The following C6orf118 variants were observed in gnomAD, a reference collection of about 807,000 sequenced individuals.
C6orf118 encodes uncharacterized protein C6orf118.
A neutral mutation model predicts 50.2 loss-of-function variants in C6orf118; 50 were observed. The observed-to-expected ratio is 1.00, with a 90% CI of 0.79 to 1.26. The LOEUF is 1.26. Among genes scored for constraint, C6orf118 ranks in the 50% most tolerant of loss-of-function variants. The pLI, the probability that C6orf118 is intolerant of heterozygous loss-of-function variation, is 0.00. For synonymous variants in C6orf118, 239 were observed against 230.9 expected, an observed-to-expected ratio of 1.03 and a Z score of -0.32; for missense variants, 641 against 578.7, an observed-to-expected ratio of 1.11 and a Z score of -1.10.
intron 8 of C6orf118, chr6:165,281,343 G>T: frequency 4.0e-6 from 1 of 248,456 alleles, no homozygotes; most frequent in Non-Finnish European, 7.2e-6. Context: ...AGAAAAGAAT[G>T]CAACATGTGT....
rs1424248868 is a variant in C6orf118, at chr6:165,297,982, A to G, written c.1056T>C (p.Asn352=). The part of the protein sequence containing the change: ...VTATKAALEQ[N]DRLRSELEME... Reference sequence around the variant, plus strand: ...ATCCGTCCCTCATGCCTCACCTATCATTCTGCTCCAGGGCTGCTTTTGTGG... The same window carrying G: ...ATCCGTCCCTCATGCCTCACCTATCGTTCTGCTCCAGGGCTGCTTTTGTGG... Residue 352 remains asparagine (N), a synonymous_variant, in exon 5 of 9, where the codon AAT becomes AAC. Coordinates refer to ENST00000230301, the MANE Select transcript of C6orf118 (RefSeq NM_144980.4). 1 of 1,613,934 alleles carries G rather than the reference A, an allele frequency of 6.2e-7. No homozygotes were observed. The highest frequency in any genetic ancestry group is 8.5e-7 in the Non-Finnish European group (1 of 1,180,046).
intron 1 of C6orf118, among the ~76,000 whole-genome samples, chr6:165,306,992 A>G (rs1485663117): frequency 6.6e-6 from 1 of 152,202 alleles, no homozygotes; most frequent in African/African-American, 2.4e-5. Context: ...GAAAGTTTTA[A>G]GAATTTATTG....
chr6:165,293,486 T>A lies in C6orf118; in HGVS notation c.1062-15A>T. ...CACTTCTGAGTCTACAATGTGAGGA[T>A]AAACAATAGGGAAATATTAGATCCC... On this transcript the variant is annotated splice_polypyrimidine_tract_variant and intron_variant, in intron 5 of 8. Coordinates refer to ENST00000230301, the MANE Select transcript of C6orf118 (RefSeq NM_144980.4). 6.2e-7 allele frequency: 1 copy of A among 1,607,292 alleles called. No individual in the cohort carries two copies. The highest frequency in any genetic ancestry group is 2.2e-5 in the East Asian group (1 of 44,824).
chr6:165,288,068 C>T (rs916365776), intron 7 of C6orf118, among the ~76,000 whole-genome samples: 3 of 152,082 alleles, frequency 2.0e-5, no homozygotes, highest in African/African-American at 7.2e-5. Flanking sequence ...CTACAAGGAA[C>T]TTGAACAAAT....
intron 7 of C6orf118, among the ~76,000 whole-genome samples, chr6:165,288,010 GAA>G (rs1334490541): frequency 6.6e-6 from 1 of 151,996 alleles, no homozygotes. Context: ...CAGAATGGGG[GAA>G]AATTTCTGCA....
intron 8 of C6orf118, 59 bp from the exon 9 acceptor site, chr6:165,280,169 TA>T: frequency 8.0e-7 from 1 of 1,251,816 alleles, no homozygotes; most frequent in South Asian, 1.3e-5. Context: ...AAGCATGAAA[TA>T]AAATTTCAAA....
Position 165,300,433 on chromosome 6 carries a change from G to C in C6orf118, c.807C>G (p.Val269=), listed in dbSNP as rs1280545083. The C allele has an allele frequency of 1.2e-6, 2 of 1,613,778 alleles. No individual in the cohort carries two copies. The highest frequency in any genetic ancestry group is 1.7e-6 in the Non-Finnish European group (2 of 1,179,864). The change falls in exon 3 of 9, where the codon GTC becomes GTG. Residue 269 remains valine, a synonymous_variant. Coordinates refer to ENST00000230301, the MANE Select transcript of C6orf118 (RefSeq NM_144980.4). ...AAATATCTTCAAAGACTTTTCCAAA[G>C]ACGTGCAGTCTGTTGAACTGCTGGG... ...CSPQQFNRLH[V]FGKVFEDICN...
chr6:165,301,226 G>C (rs1339013595), intron 2 of C6orf118, among the ~76,000 whole-genome samples: 1 of 152,024 alleles, frequency 6.6e-6, no homozygotes, highest in Non-Finnish European at 1.5e-5. Context: ...AGCCTCAGAG[G>C]ACGAGCCTCT....
chr6:165,279,873 C>G lies in C6orf118; in HGVS notation c.*184G>C, dbSNP rs568489718. The G allele has an allele frequency of 7.8e-4, 382 of 488,394 alleles. 2 individuals carry two copies. The highest frequency in any genetic ancestry group is 1.2e-3 in the Non-Finnish European group (357 of 285,638). 30.3% of individuals were successfully genotyped at this position (488,394 alleles called of 1,614,324 possible). On this transcript the variant is annotated 3_prime_UTR_variant, in exon 9 of 9. Transcript: ENST00000230301. Reference sequence around the variant, plus strand: ...AAATATGTATGCAACAGAAACTAATCATGTGTACGCATGTGTGTATTTCAG... The same window carrying G: ...AAATATGTATGCAACAGAAACTAATGATGTGTACGCATGTGTGTATTTCAG...
chr6:165,287,467 AT>A (rs1297185121), intron 7 of C6orf118, among the ~76,000 whole-genome samples: 1 of 152,206 alleles, frequency 6.6e-6, no homozygotes, highest in South Asian at 2.1e-4. Flanking sequence ...AAGATCCCCT[AT>A]AGCCAACACA....
chr6:165,298,629 T>C (rs918112165), intron 4 of C6orf118, among the ~76,000 whole-genome samples: 2 of 152,170 alleles, frequency 1.3e-5, no homozygotes, highest in South Asian at 2.1e-4. Flanking sequence ...TTGACCGAGA[T>C]AGGGACGTAT....
At chr6:165,295,728 T>C (rs1158776469) in intron 5 of C6orf118, among the ~76,000 whole-genome samples, 3 of 152,256 alleles carry the variant, frequency 2.0e-5, no homozygotes, top group Non-Finnish European at 2.9e-5. Context: ...AAGGACAGTA[T>C]GTGGAAGGGT....
chr6:165,280,719 T>C (rs1641643946), intron 8 of C6orf118, among the ~76,000 whole-genome samples: 1 of 152,198 alleles, frequency 6.6e-6, no homozygotes, highest in Non-Finnish European at 1.5e-5. Context: ...CTTTGCCATC[T>C]GTCATTCACA....
chr6:165,301,674 C>T lies in C6orf118; in HGVS notation c.648G>A (p.Arg216=). The change falls in exon 2 of 9, where the codon AGG becomes AGA. Residue 216 remains arginine (R), a synonymous_variant. Coordinates refer to ENST00000230301, the MANE Select transcript of C6orf118 (RefSeq NM_144980.4). ...CTTCCTTCTGGAAACGCAGGAACAT[C>T]CTGTACCTGTCTGCGCTGGTGGCTC... ...LAGATSADRY[R]MFLRFQKEVL... 1 of 1,614,176 alleles carries T rather than the reference C, an allele frequency of 6.2e-7. No homozygotes were observed. Among genetic ancestry groups the T allele is most frequent in the Non-Finnish European group, 8.5e-7 (1 of 1,180,024 alleles).
At chr6:165,299,707 T>C (rs1780446993) in intron 3 of C6orf118, among the ~76,000 whole-genome samples, 1 of 152,266 alleles carries the variant, frequency 6.6e-6, no homozygotes, top group South Asian at 2.1e-4. Flanking sequence ...GAGCATTAAG[T>C]ATTGATTACC....
At chr6:165,309,321 G>A (rs192479037) in intron 1 of C6orf118, among the ~76,000 whole-genome samples, 2 of 152,160 alleles carry the variant, frequency 1.3e-5, no homozygotes, top group Non-Finnish European at 2.9e-5. Flanking sequence ...GTCCACACTC[G>A]CTGGCTCCCA....
chr6:165,288,975 T>C (rs1780013031), intron 7 of C6orf118, among the ~76,000 whole-genome samples: 1 of 151,912 alleles, frequency 6.6e-6, no homozygotes, highest in Non-Finnish European at 1.5e-5. Flanking sequence ...TAAATAAATG[T>C]AAAAACTTAG....
intron 4 of C6orf118, 33 bp from the exon 5 acceptor site, chr6:165,298,134 G>A (rs764020024): frequency 6.5e-6 from 10 of 1,536,646 alleles, no homozygotes; most frequent in Non-Finnish European, 8.7e-6. Context: ...GGTGAGACAA[G>A]CACACAGGGA....
chr6:165,280,267 G>A (rs888692342), intron 8 of C6orf118, among the ~76,000 whole-genome samples, 157 bp from the exon 9 acceptor site: 1 of 152,182 alleles, frequency 6.6e-6, no homozygotes, highest in Non-Finnish European at 1.5e-5. Context: ...GATATTTTGA[G>A]GGAGTTTTGG....
Sources: allele counts gnomAD v4.1 joint callset (sites outside exome capture counted in the v4.1 genomes callset), GRCh38; gene constraint gnomAD v4.1.1; transcripts MANE v1.5; gene names NCBI Gene and HGNC (gene_info 2026-07-23, HGNC 2026-07-21).